The following UGT2B7 variants were observed in gnomAD, a reference collection of about 807,000 sequenced individuals.
UGT2B7 encodes the protein UDP-glucuronosyltransferase 2B7.
UGT2B7 carries 51 observed loss-of-function variants against 51.9 expected under a neutral mutation model. The ratio of observed to expected loss-of-function variants is 0.98; its 90% CI spans 0.78 to 1.24. The LOEUF (loss-of-function observed/expected upper bound fraction) is 1.24, where lower values mean the gene tolerates loss of function less well. Among genes scored for constraint, UGT2B7 ranks in the 50% most tolerant of loss-of-function variants. The pLI is 0.00. For missense variants in UGT2B7, 727 were observed against 628.4 expected (o/e 1.16, Z -1.68); for synonymous variants, 225 against 211.6 (o/e 1.06, Z -0.55).
At chr4:69,066,260 A>C (rs1252345461) in intron 1 of UGT2B7, 4 of 152,134 alleles carry the variant, frequency 2.6e-5, no homozygotes, top group African/African-American at 9.7e-5. Context: ...AGATTATTTC[A>C]TCACACAGGT....
chr4:69,102,688 T>G, intron 2 of UGT2B7, 119 bp from the exon 3 acceptor site: 10 of 1,455,922 alleles, frequency 6.9e-6, no homozygotes, highest in Non-Finnish European at 9.2e-6. Flanking sequence ...AAAATATTAT[T>G]TACTCCAATA....
At chr4:69,074,451 A>G (rs1371706975) in intron 1 of UGT2B7, among the ~76,000 whole-genome samples, 1 of 107,114 alleles carries the variant, frequency 9.3e-6, no homozygotes, top group Non-Finnish European at 1.8e-5. Flanking sequence ...TATATAAATT[A>G]AAAATCAAAG....
intron 1 of UGT2B7, among the ~76,000 whole-genome samples, chr4:69,087,130 G>T (rs1560505584): frequency 6.8e-6 from 1 of 147,402 alleles, no homozygotes; most frequent in African/African-American, 2.5e-5. Flanking sequence ...CTCTCTCTCT[G>T]TCTCTCTCTC....
chr4:69,053,016 T>A (rs1718078408), intron 1 of UGT2B7, among the ~76,000 whole-genome samples: 1 of 152,214 alleles, frequency 6.6e-6, no homozygotes, highest in African/African-American at 2.4e-5. Flanking sequence ...TCATCCAGTT[T>A]TTCTGCGAAC....
intron 1 of UGT2B7, among the ~76,000 whole-genome samples, chr4:69,080,964 G>A (rs1487212540): frequency 6.6e-6 from 1 of 152,036 alleles, no homozygotes; most frequent in Non-Finnish European, 1.5e-5. Context: ...AAAAAACACA[G>A]AAGCATAGAT....
chr4:69,101,917 T>G (rs1167807796), intron 2 of UGT2B7, among the ~76,000 whole-genome samples: 1 of 152,168 alleles, frequency 6.6e-6, no homozygotes, highest in Non-Finnish European at 1.5e-5. Flanking sequence ...TGGTGGCCTC[T>G]TCTGTTCTGG....
At chr4:69,100,966 AAATT>A (rs1043973858) in intron 2 of UGT2B7, among the ~76,000 whole-genome samples, 1 of 152,110 alleles carries the variant, frequency 6.6e-6, no homozygotes, top group African/African-American at 2.4e-5. Context: ...ACAGAGAAAA[AAATT>A]AATCAAGGTG....
chr4:69,101,921 G>C (rs12508257), intron 2 of UGT2B7, among the ~76,000 whole-genome samples: 1 of 151,982 alleles, frequency 6.6e-6, no homozygotes, highest in Non-Finnish European at 1.5e-5. Flanking sequence ...GGCCTCTTCT[G>C]TTCTGGTGCA....
chr4:69,087,418 C>T (rs1718986014), intron 1 of UGT2B7, among the ~76,000 whole-genome samples: 1 of 151,752 alleles, frequency 6.6e-6, no homozygotes, highest in African/African-American at 2.4e-5. Flanking sequence ...TTATGATTTT[C>T]TTTAATAACT....
intron 2 of UGT2B7, 147 bp from the exon 3 acceptor site, chr4:69,102,660 A>C (rs1719456413): frequency 4.8e-6 from 6 of 1,255,204 alleles, no homozygotes; most frequent in Middle Eastern, 3.0e-4. Context: ...AAAAAAACTG[A>C]GTGATTGGGT....
At chr4:69,052,975 T>G (rs549950920) in intron 1 of UGT2B7, among the ~76,000 whole-genome samples, 1 of 152,310 alleles carries the variant, frequency 6.6e-6, no homozygotes, top group Non-Finnish European at 1.5e-5. Context: ...AAAGTCTGTG[T>G]GTAAACATAT....
At chr4:69,080,819 C>A (rs565846535) in intron 1 of UGT2B7, among the ~76,000 whole-genome samples, 6 of 151,978 alleles carry the variant, frequency 3.9e-5, no homozygotes, top group African/African-American at 1.5e-4. Context: ...GAAATAAATG[C>A]GATTCAACTT....
rs574667148 is a variant in UGT2B7, at chr4:69,064,561, G to A, written c.-159+12959G>A. On this transcript the variant is annotated intron_variant, in intron 1 of 5. Transcript: ENST00000502942. The stretch of plus-strand genomic sequence containing the variant: ...CAAAGCAACAGTCATGTGTAATCCC[G>A]AGTTATGAACTATCACAATTTGATT... 4.6e-5 allele frequency among the ~76,000 whole-genome samples: 7 copies of A among 152,254 alleles called. No homozygotes were observed. In the East Asian group the frequency reaches 7.7e-4, roughly 17 times the overall value.
intron 1 of UGT2B7, among the ~76,000 whole-genome samples, chr4:69,086,101 A>T (rs1183572754): frequency 6.6e-6 from 1 of 151,536 alleles, no homozygotes; most frequent in Non-Finnish European, 1.5e-5. Context: ...TTTATTTAAG[A>T]TATTTCTGCA....
chr4:69,102,615 A>T (rs1301854449), intron 2 of UGT2B7, among the ~76,000 whole-genome samples, 192 bp from the exon 3 acceptor site: 1 of 152,086 alleles, frequency 6.6e-6, no homozygotes, highest in Non-Finnish European at 1.5e-5. Context: ...TATCCTTAAC[A>T]GCATCCACCT....
intron 2 of UGT2B7, among the ~76,000 whole-genome samples, chr4:69,090,510 A>T (rs1719063155): frequency 6.6e-6 from 1 of 152,062 alleles, no homozygotes; most frequent in South Asian, 2.1e-4. Flanking sequence ...AGCAAAGGAG[A>T]CATGAAAAAA....
chr4:69,080,556 A>C lies in UGT2B7; in HGVS notation c.-158-8916A>C, dbSNP rs576467336. ...GAGCAAGACTCCGTCTCAAAAAAAA[A>C]AAAAAGAAAATCTATCAATGACTAT... is the stretch of plus-strand genomic sequence containing the variant. On this transcript the variant is annotated intron_variant, in intron 1 of 5. Transcript: ENST00000502942. Among the ~76,000 whole-genome samples, 5 of 151,914 alleles carry C rather than the reference A, an allele frequency of 3.3e-5. No homozygotes were observed. In the South Asian group the frequency reaches 6.2e-4, roughly 19 times the overall value.
intron 1 of UGT2B7, among the ~76,000 whole-genome samples, chr4:69,080,490 G>T (rs1373304437): frequency 1.2e-4 from 18 of 151,466 alleles, no homozygotes; most frequent in Admixed American, 1.2e-3. Flanking sequence ...AGAAGTTGCA[G>T]TGAGCTGAGA....
chr4:69,102,040 A>G (rs1719434114), intron 2 of UGT2B7, among the ~76,000 whole-genome samples: 1 of 152,196 alleles, frequency 6.6e-6, no homozygotes. Context: ...ATTCCACCTA[A>G]AGAATCACCT....
Sources: allele counts gnomAD v4.1 joint callset (sites outside exome capture counted in the v4.1 genomes callset), GRCh38; gene constraint gnomAD v4.1.1; transcripts MANE v1.5; gene names NCBI Gene and HGNC (gene_info 2026-07-23, HGNC 2026-07-21).